DNAH17: variants seen among roughly 807,000 people sequenced by gnomAD.
DNAH17 encodes dynein axonemal heavy chain 17.
In DNAH17, 376 loss-of-function variants were observed where a neutral mutation model predicts 485.6. The ratio of observed to expected loss-of-function variants is 0.77; its 90% confidence interval spans 0.71 to 0.84. DNAH17 has a LOEUF of 0.84. Ranked by LOEUF, DNAH17 falls within the 40% of genes least tolerant of loss-of-function variation. DNAH17 has a pLI of 0.00. For synonymous variants in DNAH17, 3,031 were observed against 2,405.9 expected, an observed-to-expected ratio of 1.26 and a Z score of -7.60; for missense variants, 6,370 against 5,839.3, an observed-to-expected ratio of 1.09 and a Z score of -2.96.
At chr17:78,442,961 C>T (rs647727) in intron 71 of DNAH17, among the ~76,000 whole-genome samples, 100,956 of 152,072 alleles carry the variant, frequency 0.66, 35,028 homozygotes, top group Admixed American at 0.77. Context: ...TGCTTTTAAG[C>T]GACCCCCTCC....
Position 78,502,713 on chromosome 17 carries a change from C to G in DNAH17, c.5083-15G>C. The G allele has an allele frequency of 6.2e-7, 1 of 1,608,438 alleles. No homozygotes were observed. On this transcript the variant is annotated splice_polypyrimidine_tract_variant and intron_variant, in intron 32 of 80. Transcript: ENST00000389840. ...GTCAGGGCCACCTGAAAGTACATAC[C>G]CCCCATTGCCCACGCAGTGAGCGAT... is the stretch of plus-strand genomic sequence containing the variant.
intron 69 of DNAH17, among the ~76,000 whole-genome samples, chr17:78,446,025 T>C (rs1202616229): frequency 6.6e-6 from 1 of 151,490 alleles, no homozygotes; most frequent in African/African-American, 2.4e-5. Context: ...TACAAAAAAA[T>C]TAGCCGGGCG....
chr17:78,450,232 C>T, intron 68 of DNAH17, 22 bp downstream of exon 68: 1 of 1,612,772 alleles, frequency 6.2e-7, no homozygotes. Flanking sequence ...GGGAGGCACC[C>T]AGCCCCAGCT....
At chr17:78,457,242 G>A (rs186969295) in intron 62 of DNAH17, among the ~76,000 whole-genome samples, 165 of 152,268 alleles carry the variant, frequency 1.1e-3, no homozygotes, top group African/African-American at 3.8e-3. Flanking sequence ...GTGGTGGCAC[G>A]CATCTGTGGT....
intron 55 of DNAH17, among the ~76,000 whole-genome samples, chr17:78,467,864 A>C (rs796373524): frequency 3.9e-5 from 6 of 152,294 alleles, no homozygotes; most frequent in African/African-American, 1.4e-4. Flanking sequence ...CTAAAAATAA[A>C]AAATTTAGCC....
In DNAH17 at chr17:78,501,740, GC is replaced by G; in HGVS notation, c.5322+1del. 1 of 1,612,522 alleles carries G rather than the reference GC, an allele frequency of 6.2e-7. No homozygotes were observed. Among genetic ancestry groups the G allele is most frequent in the Non-Finnish European group, 8.5e-7 (1 of 1,179,764 alleles). On this transcript the variant is annotated splice_donor_variant, in intron 34 of 80. Transcript: ENST00000389840. LOFTEE classifies it high-confidence loss of function. ...TGGCCCCTGGGACAGGGGCGCTCAT[GC>G]CTTGGCCACGATCATTTTGGCCACC... is the stretch of plus-strand genomic sequence containing the variant.
intron 80 of DNAH17, chr17:78,424,531 C>T (rs2086325291): frequency 4.9e-6 from 1 of 204,210 alleles, no homozygotes; most frequent in Non-Finnish European, 1.0e-5. Flanking sequence ...TGTACATACA[C>T]AATATAATTA....
At position 78,452,906 on chromosome 17, in the gene DNAH17, G is replaced by C. The variant is rs562889940; in HGVS notation, c.10529+437C>G. Among the ~76,000 whole-genome samples the C allele has an allele frequency of 6.6e-5, 10 of 152,314 alleles. No homozygotes were observed. The South Asian group carries it at 2.1e-3, about 32-fold the overall frequency. ...GGGGAATGAAGAAGAGTGGGTACAGGGCTTCCTTTCGGGGTGGTGAAAATG... is the reference window on the plus strand; with the variant it reads ...GGGGAATGAAGAAGAGTGGGTACAGCGCTTCCTTTCGGGGTGGTGAAAATG... On this transcript the variant is annotated intron_variant, in intron 65 of 80. Transcript: ENST00000389840.
At chr17:78,570,884 A>AAAAAAAT in intron 6 of DNAH17, 64 bp downstream of exon 6, 1 of 698,210 alleles carries the variant, frequency 1.4e-6, no homozygotes, top group Non-Finnish European at 2.1e-6. Context: ...AAAAAGAAAA[A>AAAAAAAT]AGAAAAGAAA....
At chr17:78,520,080 C>T (rs1480466841) in intron 25 of DNAH17, among the ~76,000 whole-genome samples, 2 of 151,212 alleles carry the variant, frequency 1.3e-5, no homozygotes, top group Non-Finnish European at 2.9e-5. Flanking sequence ...CACTGCACTC[C>T]AGGCCTGGGC....
chr17:78,466,932 C>G (rs932291096), intron 55 of DNAH17, 116 bp from the exon 56 acceptor site: 3 of 1,164,160 alleles, frequency 2.6e-6, no homozygotes, highest in Non-Finnish European at 3.5e-6. Context: ...CTCAGCCGCC[C>G]AGGGCCTGGG....
Position 78,569,411 on chromosome 17 carries a change from G to C in DNAH17, c.1161C>G (p.Tyr387Ter). The C allele has an allele frequency of 6.2e-7, 1 of 1,612,814 alleles. No homozygotes were observed. Among genetic ancestry groups the C allele is most frequent in the Non-Finnish European group, 8.5e-7 (1 of 1,179,390 alleles). ...GCTTCATGTTCACGCAGCAGAAGTC[G>C]TACGTCTGGTAGAGCTCCTTCAGCA... ...VNVLKELYQT[Y>*]DFCCVNMKLF... The change falls in exon 8 of 81, where the codon TAC (tyrosine) becomes TAG (stop). Residue 387 changes from tyrosine (Y) to a stop codon, truncating the protein, a stop_gained. Transcript: ENST00000389840. LOFTEE classifies it high-confidence loss of function.
In DNAH17 at chr17:78,551,557, T is replaced by G. The variant is rs372620831; in HGVS notation, c.2369A>C (p.Glu790Ala). Residue 790 changes from glutamate (E) to alanine (A), a missense_variant, in exon 16 of 81, where the codon GAA (glutamate) becomes GCA (alanine). Coordinates refer to ENST00000389840, the MANE Select transcript of DNAH17 (RefSeq NM_173628.4). ...NRMQKAKQNI[E>A]GISQAMKDWS... Reference sequence around the variant, plus strand: ...TACCTTCATAGCCTGGGAAATTCCTTCTATATTTTGTTTTGCCTTTTGCAT... The same window carrying G: ...TACCTTCATAGCCTGGGAAATTCCTGCTATATTTTGTTTTGCCTTTTGCAT... The G allele has an allele frequency of 8.7e-6, 14 of 1,613,916 alleles. No individual in the cohort carries two copies. The highest frequency in any genetic ancestry group is 1.2e-5 in the Non-Finnish European group (14 of 1,179,886).
intron 54 of DNAH17, among the ~76,000 whole-genome samples, chr17:78,471,694 C>T (rs1427502439): frequency 3.3e-5 from 5 of 152,256 alleles, no homozygotes; most frequent in Admixed American, 3.3e-4. Context: ...GCTCCCGGCC[C>T]GTCTGGCTTT....
Position 78,486,211 on chromosome 17 carries a change from C to T in DNAH17, c.7101+13G>A. On this transcript the variant is annotated intron_variant, in intron 45 of 80. Coordinates refer to ENST00000389840, the MANE Select transcript of DNAH17 (RefSeq NM_173628.4). ...GACCCTGTGTGGGTGGCCGGGCCCC[C>T]CAGGTGCATCACCTGGTCCTGGAAC... The T allele has an allele frequency of 6.3e-7, 1 of 1,586,856 alleles. No homozygotes were observed. Among genetic ancestry groups the T allele is most frequent in the Non-Finnish European group, 8.6e-7 (1 of 1,164,720 alleles).
At chr17:78,437,951 T>C in intron 73 of DNAH17, 83 bp from the exon 74 acceptor site, 2 of 1,070,126 alleles carry the variant, frequency 1.9e-6, no homozygotes, top group Non-Finnish European at 2.7e-6. Context: ...CTATGTTCCC[T>C]GGTGAGGGCA....
chr17:78,576,958 C>T (rs562849366), intron 1 of DNAH17, among the ~76,000 whole-genome samples: 51 of 152,290 alleles, frequency 3.3e-4, no homozygotes, highest in African/African-American at 9.6e-4. Context: ...GGGGCAGAGA[C>T]GGCTTCTCTG....
intron 44 of DNAH17, among the ~76,000 whole-genome samples, chr17:78,488,239 G>A (rs1192573941): frequency 2.0e-5 from 3 of 152,184 alleles, no homozygotes; most frequent in African/African-American, 7.2e-5. Flanking sequence ...TCTCACCTCT[G>A]GTCCATACGG....
chr17:78,427,780 T>C (rs113066880), intron 77 of DNAH17, among the ~76,000 whole-genome samples: 3,220 of 152,246 alleles, frequency 0.021, 118 homozygotes, highest in African/African-American at 0.073. Flanking sequence ...AAAACCAGCC[T>C]GGCCAACATG....
Sources: allele counts gnomAD v4.1 joint callset (sites outside exome capture counted in the v4.1 genomes callset), GRCh38; gene constraint gnomAD v4.1.1; transcripts MANE v1.5; gene names NCBI Gene and HGNC (gene_info 2026-07-23, HGNC 2026-07-21).